SLC9B1: variants seen among roughly 807,000 people sequenced by gnomAD.
SLC9B1 encodes solute carrier family 9 member B1, also known as sodium/hydrogen exchanger 9B1.
Under a neutral mutation model 51.7 loss-of-function variants are expected in SLC9B1, and 32 were observed. The observed-to-expected ratio is 0.62, with a 90% CI of 0.47 to 0.83. The LOEUF (loss-of-function observed/expected upper bound fraction) is 0.83. Among genes scored for constraint, SLC9B1 ranks in the 40% least tolerant of loss-of-function variants. The pLI is 0.00. For missense variants in SLC9B1, 406 were observed against 613.2 expected, an observed-to-expected ratio of 0.66 and a Z score of 3.57; for synonymous variants, 145 against 212.7, an observed-to-expected ratio of 0.68 and a Z score of 2.77.
downstream of SLC9B1, among the ~76,000 whole-genome samples, chr4:102,896,328 A>G (rs1734535809): frequency 6.6e-6 from 1 of 152,190 alleles, no homozygotes; most frequent in South Asian, 2.1e-4. Context: ...TCATCCAGAT[A>G]AAGCCCATGT....
At chr4:102,975,594 T>TTTTTTTTTTG (rs1739028274) in intron 3 of SLC9B1, among the ~76,000 whole-genome samples, 1 of 122,806 alleles carries the variant, frequency 8.1e-6, no homozygotes, top group African/African-American at 3.2e-5. Context: ...ATATTTTTTT[T>TTTTTTTTTTG]TTTTTTTTTT....
intron 1 of SLC9B1, among the ~76,000 whole-genome samples, chr4:103,015,779 T>C (rs1015547570): frequency 1.1e-4 from 16 of 152,160 alleles, no homozygotes; most frequent in African/African-American, 3.9e-4. Flanking sequence ...GACCACTGAA[T>C]CTACCCATCT....
At chr4:103,001,959 G>A (rs1041073622) in intron 1 of SLC9B1, among the ~76,000 whole-genome samples, 7 of 152,202 alleles carry the variant, frequency 4.6e-5, no homozygotes, top group South Asian at 2.1e-4. Flanking sequence ...AGGCAAAGGA[G>A]GAGCACGGAC....
chr4:102,998,439 C>T (rs1216740685), intron 1 of SLC9B1, among the ~76,000 whole-genome samples: 2 of 152,124 alleles, frequency 1.3e-5, no homozygotes, highest in Non-Finnish European at 2.9e-5. Flanking sequence ...CATTCATCTA[C>T]TGATAGACCT....
intron 7 of SLC9B1, among the ~76,000 whole-genome samples, chr4:102,920,969 C>T (rs1735844229): frequency 6.6e-6 from 1 of 152,146 alleles, no homozygotes; most frequent in Non-Finnish European, 1.5e-5. Flanking sequence ...AGAATGGAAC[C>T]AAGTTGGAAA....
At chr4:102,996,275 G>T (rs1251637684) in intron 1 of SLC9B1, among the ~76,000 whole-genome samples, 1 of 151,888 alleles carries the variant, frequency 6.6e-6, no homozygotes, top group Non-Finnish European at 1.5e-5. Context: ...TTCTTTTTAG[G>T]TATTAAAAAT....
At chr4:102,963,235 C>G (rs1738236386) in intron 3 of SLC9B1, 1 of 340,974 alleles carries the variant, frequency 2.9e-6, no homozygotes, top group Non-Finnish European at 5.8e-6. Context: ...AGCCTCAACT[C>G]TGGAGTTATT....
chr4:102,915,495 A>C (rs1389654649), intron 7 of SLC9B1, among the ~76,000 whole-genome samples: 1 of 152,188 alleles, frequency 6.6e-6, no homozygotes, highest in Non-Finnish European at 1.5e-5. Context: ...CCTGGGCTAA[A>C]GCAATCCTCC....
intron 1 of SLC9B1, among the ~76,000 whole-genome samples, chr4:103,006,876 C>T (rs973496896): frequency 6.6e-6 from 1 of 152,060 alleles, no homozygotes; most frequent in African/African-American, 2.4e-5. Context: ...AGAACTAAAC[C>T]CCAAAACCAT....
At chr4:102,924,841 A>G (rs1408416408) in intron 7 of SLC9B1, among the ~76,000 whole-genome samples, 1 of 152,250 alleles carries the variant, frequency 6.6e-6, no homozygotes, top group African/African-American at 2.4e-5. Flanking sequence ...AATGCAAATC[A>G]AAACCACAAT....
At chr4:102,991,203 T>C (rs1035477146) in intron 2 of SLC9B1, among the ~76,000 whole-genome samples, 5 of 152,058 alleles carry the variant, frequency 3.3e-5, no homozygotes, top group Admixed American at 1.3e-4. Flanking sequence ...ACAATTCTAA[T>C]TATGAGCAAT....
chr4:102,958,006 G>A, intron 3 of SLC9B1, among the ~76,000 whole-genome samples: 1 of 152,142 alleles, frequency 6.6e-6, no homozygotes, highest in Non-Finnish European at 1.5e-5. Flanking sequence ...AAAGGTACTT[G>A]GGAGGCTGAG....
chr4:102,910,779 A>T (rs1735300997), intron 8 of SLC9B1, among the ~76,000 whole-genome samples, 191 bp from the exon 9 acceptor site: 1 of 152,210 alleles, frequency 6.6e-6, no homozygotes, highest in Non-Finnish European at 1.5e-5. Context: ...ATTTGCAATT[A>T]GTCACGTTTC....
rs76630568 is a variant in SLC9B1 at position 103,010,694 on chromosome 4, A to G, written c.-2+8905T>C. On this transcript the variant is annotated intron_variant, in intron 1 of 11. Transcript: ENST00000296422. ...ATCTTCTGGAGGAAATAAATGCTGT[A>G]TCTTTACATGTTGGAAGAGACAGAA... Among the ~76,000 whole-genome samples the G allele has an allele frequency of 9.1e-3, 1,391 of 152,292 alleles. 14 individuals carry two copies. The highest frequency in any genetic ancestry group is 0.03 in the African/African-American group (1,256 of 41,542).
intron 3 of SLC9B1, among the ~76,000 whole-genome samples, chr4:102,964,634 G>C (rs72937432): frequency 0.011 from 1,696 of 152,218 alleles, 21 homozygotes; most frequent in African/African-American, 0.037. Flanking sequence ...AATGTGAGGT[G>C]GTTGACTTAA....
chr4:102,987,694 A>G lies in SLC9B1; in HGVS notation c.211+2106T>C, dbSNP rs571772425. ...TTGGCTGCAGAAGGTAAAACTTAAA[A>G]AAGTGTGGGCCTCTCCCATCCCATA... On this transcript the variant is annotated intron_variant, in intron 3 of 11. Transcript: ENST00000296422. Among the ~76,000 whole-genome samples, 5 of 152,246 alleles carry G rather than the reference A, an allele frequency of 3.3e-5. No homozygotes were observed. The East Asian group carries it at 9.6e-4, about 29-fold the overall frequency.
intron 7 of SLC9B1, among the ~76,000 whole-genome samples, chr4:102,916,502 CCACTTTCA>C: frequency 6.6e-6 from 1 of 152,146 alleles, no homozygotes; most frequent in South Asian, 2.1e-4. Flanking sequence ...CTTCAATATC[CCACTTTCA>C]ATTATGGATA....
intron 3 of SLC9B1, among the ~76,000 whole-genome samples, chr4:102,965,042 T>C (rs527857348): frequency 1.6e-4 from 25 of 152,090 alleles, no homozygotes; most frequent in Non-Finnish European, 3.4e-4. Flanking sequence ...CCAGACTTAC[T>C]AGAACTAAGA....
chr4:102,918,515 A>G (rs1735700792), intron 7 of SLC9B1, among the ~76,000 whole-genome samples: 1 of 152,240 alleles, frequency 6.6e-6, no homozygotes, highest in Non-Finnish European at 1.5e-5. Flanking sequence ...TGACTTTGCT[A>G]TGGTCCAAAT....
Sources: allele counts gnomAD v4.1 joint callset (sites outside exome capture counted in the v4.1 genomes callset), GRCh38; gene constraint gnomAD v4.1.1; transcripts MANE v1.5; gene names NCBI Gene and HGNC (gene_info 2026-07-23, HGNC 2026-07-21).